The following PDE3A variants were observed in gnomAD, a reference collection of about 807,000 sequenced individuals.
PDE3A encodes cGMP-inhibited 3',5'-cyclic phosphodiesterase 3A.
Under a neutral mutation model 98.3 loss-of-function variants are expected in PDE3A, and 43 were observed. That is an observed-to-expected ratio of 0.44 (90% CI 0.34 to 0.56). PDE3A has a LOEUF of 0.56. PDE3A is among the 20% of genes least tolerant of loss of function. The pLI, the probability that PDE3A is intolerant of heterozygous loss-of-function variation, is 0.01. For synonymous variants in PDE3A, 663 were observed against 567.9 expected (o/e 1.17, Z -2.38); for missense variants, 1,427 against 1,440.7 (o/e 0.99, Z 0.15).
chr12:20,634,883 T>C lies in PDE3A; in HGVS notation c.1847-19T>C, dbSNP rs749659956. On this transcript the variant is annotated intron_variant, in intron 7 of 15. Coordinates refer to ENST00000359062, the MANE Select transcript of PDE3A (RefSeq NM_000921.5). ...CCCCATTGTAGATCTTGTAATAAGTTGTTCTCTTTTAATTGTAGATGACAC... is the reference window on the plus strand; with the variant it reads ...CCCCATTGTAGATCTTGTAATAAGTCGTTCTCTTTTAATTGTAGATGACAC... The C allele has an allele frequency of 6.3e-7, 1 of 1,593,118 alleles. No homozygotes were observed. The highest frequency in any genetic ancestry group is 1.1e-5 in the South Asian group (1 of 90,376).
intron 1 of PDE3A, among the ~76,000 whole-genome samples, chr12:20,377,514 T>C (rs1383755898): frequency 6.6e-6 from 1 of 151,812 alleles, no homozygotes; most frequent in African/African-American, 2.4e-5. Context: ...ATGGCTACCA[T>C]ATTGGACAGT....
chr12:20,637,643 G>T, intron 9 of PDE3A, among the ~76,000 whole-genome samples: 1 of 152,046 alleles, frequency 6.6e-6, no homozygotes, highest in East Asian at 1.9e-4. Context: ...ATATTACAGA[G>T]CTTAGGCCTT....
At chr12:20,554,026 A>G (rs1193670466) in intron 1 of PDE3A, among the ~76,000 whole-genome samples, 1 of 151,026 alleles carries the variant, frequency 6.6e-6, no homozygotes, top group Admixed American at 6.6e-5. Flanking sequence ...CATTTTCTAA[A>G]TGAATTTTTT....
chr12:20,597,035 A>G (rs1488617743), intron 2 of PDE3A, among the ~76,000 whole-genome samples: 1 of 152,172 alleles, frequency 6.6e-6, no homozygotes, highest in Non-Finnish European at 1.5e-5. Context: ...GCAGCTTAAG[A>G]TCTTTGTAAC....
At position 20,648,868 on chromosome 12, in the gene PDE3A, T is replaced by A. The variant is rs768468468; in HGVS notation, c.2746T>A (p.Phe916Ile). 9.9e-6 allele frequency: 16 copies of A among 1,612,542 alleles called. No homozygotes were observed. The highest frequency in any genetic ancestry group is 5.1e-6 in the Non-Finnish European group (6 of 1,178,780). Residue 916 changes from phenylalanine (F) to isoleucine (I), a missense_variant, in exon 13 of 16, where the codon TTC (phenylalanine) becomes ATC (isoleucine). Coordinates refer to ENST00000359062, the MANE Select transcript of PDE3A (RefSeq NM_000921.5). Reference protein sequence around the residue: ...LATDLKKHFDFVAKFNGKVND... With the variant: ...LATDLKKHFDIVAKFNGKVND... The stretch of plus-strand genomic sequence containing the variant: ...CACTGACCTGAAGAAACACTTTGAC[T>A]TCGTAGCCAAATTTAATGGCAAGGT...
chr12:20,560,703 T>C (rs922202603), intron 2 of PDE3A, among the ~76,000 whole-genome samples: 5 of 152,162 alleles, frequency 3.3e-5, no homozygotes, highest in African/African-American at 4.8e-5. Context: ...TACTGGCAGA[T>C]GAAAAGAATT....
intron 1 of PDE3A, among the ~76,000 whole-genome samples, chr12:20,438,314 C>G (rs1017228500): frequency 6.6e-6 from 1 of 152,184 alleles, no homozygotes; most frequent in African/African-American, 2.4e-5. Flanking sequence ...GGTAATTCCT[C>G]CCTTAAAGAA....
At chr12:20,458,706 G>A (rs1427483832) in intron 1 of PDE3A, among the ~76,000 whole-genome samples, 1 of 152,100 alleles carries the variant, frequency 6.6e-6, no homozygotes, top group African/African-American at 2.4e-5. Context: ...CTACTTGTCT[G>A]GTAGATAGGA....
Position 20,688,532 on chromosome 12 carries a change from T to C in PDE3A, c.*8261T>C, listed in dbSNP as rs891839764. ...TTAAAATTATGTCCTAGATTATCTA[T>C]GTCGATGTTATGAGTGAAGATAATG... On this transcript the variant is annotated 3_prime_UTR_variant, in exon 16 of 16. Coordinates refer to ENST00000359062, the MANE Select transcript of PDE3A (RefSeq NM_000921.5). 5.3e-5 allele frequency among the ~76,000 whole-genome samples: 8 copies of C among 151,902 alleles called. No individual in the cohort carries two copies. Among genetic ancestry groups the C allele is most frequent in the Non-Finnish European group, 1.2e-4 (8 of 67,950 alleles).
chr12:20,385,993 A>ATAT lies in PDE3A; in HGVS notation c.960+15749_960+15750insTAT, dbSNP rs1491567121. Among the ~76,000 whole-genome samples, 343 of 104,974 alleles carry ATAT rather than the reference A, an allele frequency of 3.3e-3. 8 individuals carry two copies. The East Asian group carries it at 0.05, about 15-fold the overall frequency. The allele number at this position is 104,974 out of a possible 152,430, so 68.9% of individuals were successfully genotyped here. On this transcript the variant is annotated intron_variant, in intron 1 of 15. Coordinates refer to ENST00000359062, the MANE Select transcript of PDE3A (RefSeq NM_000921.5). ...TTAATTATTAATATATAATATATAT[A>ATAT]AAATATATATATAAATATATATAAA...
chr12:20,436,524 T>G (rs1195112660), intron 1 of PDE3A, among the ~76,000 whole-genome samples: 1 of 152,136 alleles, frequency 6.6e-6, no homozygotes, highest in Non-Finnish European at 1.5e-5. Context: ...CTGACAGTTA[T>G]AGTGTCTGGG....
At chr12:20,638,486 T>G (rs1234445613) in intron 9 of PDE3A, among the ~76,000 whole-genome samples, 3 of 152,158 alleles carry the variant, frequency 2.0e-5, no homozygotes, top group Admixed American at 6.5e-5. Context: ...CCTGTTCCTC[T>G]TCCCTTCCTT....
At chr12:20,453,998 C>T (rs1336382862) in intron 1 of PDE3A, among the ~76,000 whole-genome samples, 1 of 152,094 alleles carries the variant, frequency 6.6e-6, no homozygotes, top group African/African-American at 2.4e-5. Flanking sequence ...GCAATTGCCC[C>T]AACTCTCATT....
chr12:20,671,676 A>C (rs1327602783), intron 15 of PDE3A, among the ~76,000 whole-genome samples: 6 of 149,340 alleles, frequency 4.0e-5, no homozygotes, highest in African/African-American at 1.5e-4. Context: ...CTCTCAATAA[A>C]TTAGGTATTG....
At chr12:20,521,901 GC>G (rs1376769582) in intron 1 of PDE3A, among the ~76,000 whole-genome samples, 1 of 152,032 alleles carries the variant, frequency 6.6e-6, no homozygotes, top group Non-Finnish European at 1.5e-5. Context: ...CAGGAAAACC[GC>G]AACCACTTGC....
intron 2 of PDE3A, among the ~76,000 whole-genome samples, chr12:20,586,535 T>G (rs556282555): frequency 3.9e-5 from 6 of 152,316 alleles, no homozygotes; most frequent in African/African-American, 7.2e-5. Context: ...CTCTAACTTA[T>G]AGGATGAATG....
intron 1 of PDE3A, among the ~76,000 whole-genome samples, chr12:20,503,600 A>G (rs1447239244): frequency 6.6e-6 from 1 of 152,050 alleles, no homozygotes. Context: ...ATATAGAGTG[A>G]TCTAATTTGA....
At chr12:20,644,697 T>G (rs903077200) in intron 10 of PDE3A, among the ~76,000 whole-genome samples, 6 of 152,162 alleles carry the variant, frequency 3.9e-5, no homozygotes, top group Non-Finnish European at 8.8e-5. Context: ...GGGATATAGA[T>G]GTCAATCTTA....
chr12:20,407,038 T>C (rs1944245440), intron 1 of PDE3A, among the ~76,000 whole-genome samples: 1 of 152,198 alleles, frequency 6.6e-6, no homozygotes, highest in African/African-American at 2.4e-5. Context: ...CTCTGTTCTG[T>C]TCTATTGGTC....
Sources: gnomAD v4.1 joint callset for allele counts (sites outside exome capture counted in the v4.1 genomes callset) on GRCh38, gnomAD v4.1.1 for gene constraint, MANE v1.5 for transcripts, NCBI Gene and HGNC (gene_info 2026-07-23, HGNC 2026-07-21) for gene names.